Variants in SLC12A6 observed in about 807,000 individuals in gnomAD.
SLC12A6 encodes the protein K-Cl cotransporter 3.
Under a neutral mutation model 135.3 loss-of-function variants are expected in SLC12A6, and 66 were observed. The observed-to-expected ratio is 0.49, with a 90% CI of 0.40 to 0.60. The LOEUF is 0.60. Among genes scored for constraint, SLC12A6 ranks in the 20% least tolerant of loss-of-function variants. SLC12A6 has a pLI of 0.00. For missense variants in SLC12A6, 1,058 were observed against 1,452.3 expected, an observed-to-expected ratio of 0.73 and a Z score of 4.41; for synonymous variants, 513 against 508.8, an observed-to-expected ratio of 1.01 and a Z score of -0.11.
chr15:34,246,511 T>C (rs926066868), intron 13 of SLC12A6, among the ~76,000 whole-genome samples: 3 of 152,214 alleles, frequency 2.0e-5, no homozygotes, highest in Admixed American at 1.3e-4. Flanking sequence ...GAATAAAAAT[T>C]TGTAGTGATT....
At chr15:34,300,766 G>A (rs1016382507) in intron 2 of SLC12A6, among the ~76,000 whole-genome samples, 4 of 146,370 alleles carry the variant, frequency 2.7e-5, no homozygotes, top group African/African-American at 1.0e-4. Flanking sequence ...ACTGCACTCT[G>A]GCCTGGGAGA....
chr15:34,270,487 C>G (rs1436932611), intron 3 of SLC12A6, among the ~76,000 whole-genome samples: 1 of 151,978 alleles, frequency 6.6e-6, no homozygotes, highest in African/African-American at 2.4e-5. Flanking sequence ...GAAGAAATAC[C>G]CAAGACTGGG....
At chr15:34,256,702 G>C (rs1018300603) in intron 6 of SLC12A6, among the ~76,000 whole-genome samples, 4 of 152,212 alleles carry the variant, frequency 2.6e-5, no homozygotes, top group Admixed American at 2.6e-4. Flanking sequence ...GAGCACACAG[G>C]AACCGCATTT....
At chr15:34,265,011 A>C (rs946807497) in intron 3 of SLC12A6, among the ~76,000 whole-genome samples, 3 of 152,142 alleles carry the variant, frequency 2.0e-5, no homozygotes, top group African/African-American at 7.2e-5. Flanking sequence ...CCTGGCTAAC[A>C]CGGTGAAACC....
chr15:34,262,872 T>C (rs1274834312), intron 3 of SLC12A6, among the ~76,000 whole-genome samples: 1 of 152,162 alleles, frequency 6.6e-6, no homozygotes, highest in African/African-American at 2.4e-5. Flanking sequence ...GGATCTGCAT[T>C]GGAGCGCAAG....
At chr15:34,246,886 T>C (rs1892028760) in intron 13 of SLC12A6, among the ~76,000 whole-genome samples, 1 of 152,180 alleles carries the variant, frequency 6.6e-6, no homozygotes, top group Admixed American at 6.5e-5. Context: ...CCTGGGCTCG[T>C]GTGATCTTCC....
At chr15:34,269,709 T>C (rs1348550616) in intron 3 of SLC12A6, among the ~76,000 whole-genome samples, 1 of 152,132 alleles carries the variant, frequency 6.6e-6, no homozygotes, top group Non-Finnish European at 1.5e-5. Flanking sequence ...TGTGATGCTG[T>C]TTAACATGCT....
intron 15 of SLC12A6, 31 bp downstream of exon 15, chr15:34,245,254 A>G: frequency 8.8e-7 from 1 of 1,134,002 alleles, no homozygotes; most frequent in Non-Finnish European, 1.3e-6. Context: ...CATTTAAGCA[A>G]GAATAACTGA....
chr15:34,270,672 G>A (rs1893852495), intron 3 of SLC12A6, among the ~76,000 whole-genome samples: 1 of 151,894 alleles, frequency 6.6e-6, no homozygotes, highest in African/African-American at 2.4e-5. Context: ...GTGTGATGGT[G>A]GGTCCCTGTA....
At position 34,245,795 on chromosome 15, in the gene SLC12A6, A is replaced by C. The variant is rs373670366; in HGVS notation, c.1722T>G (p.Ile574Met). 1 of 1,613,444 alleles carries C rather than the reference A, an allele frequency of 6.2e-7. No homozygotes were observed. The highest frequency in any genetic ancestry group is 8.5e-7 in the Non-Finnish European group (1 of 1,179,458). Residue 574 changes from isoleucine to methionine, a missense_variant, in exon 14 of 26, where the codon ATT becomes ATG. Around this residue, in one of 6 missense-constraint regions of SLC12A6, gnomAD observed 170 missense variants for 297.6 expected, o/e 0.57. Transcript: ENST00000354181. Reference protein sequence around the residue: ...LSWPSPWVIVIGSFFSTCGAG... With the variant: ...LSWPSPWVIVMGSFFSTCGAG... ...CCCCACATGTTGAAAAGAAGGAGCC[A>C]ATAACAATCACCCATGGGGATGGCC... is the stretch of plus-strand genomic sequence containing the variant.
intron 2 of SLC12A6, among the ~76,000 whole-genome samples, chr15:34,290,950 G>A (rs1376843078): frequency 6.6e-6 from 1 of 152,176 alleles, no homozygotes; most frequent in Non-Finnish European, 1.5e-5. Flanking sequence ...GCCAGTCTGT[G>A]TCTTTTAATT....
At chr15:34,237,987 T>A (rs1891388850) in intron 21 of SLC12A6, among the ~76,000 whole-genome samples, 1 of 152,244 alleles carries the variant, frequency 6.6e-6, no homozygotes, top group African/African-American at 2.4e-5. Flanking sequence ...ACTTGTTGTT[T>A]TCCCCTAGGG....
chr15:34,318,253 T>C (rs551724950), intron 2 of SLC12A6, among the ~76,000 whole-genome samples: 1 of 152,340 alleles, frequency 6.6e-6, no homozygotes, highest in South Asian at 2.1e-4. Flanking sequence ...AAAAAGTGAA[T>C]TCTAAATTCC....
chr15:34,321,691 T>C (rs1889102594), intron 2 of SLC12A6, among the ~76,000 whole-genome samples: 1 of 152,208 alleles, frequency 6.6e-6, no homozygotes, highest in African/African-American at 2.4e-5. Context: ...TTATTCATAA[T>C]ATCCAAAAAC....
intron 9 of SLC12A6, among the ~76,000 whole-genome samples, chr15:34,253,071 C>A (rs967438080): frequency 2.6e-5 from 4 of 152,160 alleles, no homozygotes; most frequent in African/African-American, 9.7e-5. Flanking sequence ...TTACTTTTTT[C>A]TTTAACCCAG....
chr15:34,261,062 T>C, intron 3 of SLC12A6, 42 bp from the exon 4 acceptor site: 1 of 1,013,014 alleles, frequency 9.9e-7, no homozygotes, highest in South Asian at 1.3e-5. Context: ...CTCACTGGTT[T>C]CTGACGAAGA....
Position 34,233,760 on chromosome 15 carries a change from A to C in SLC12A6, c.*121T>G. The C allele has an allele frequency of 2.8e-6, 2 of 718,490 alleles. No individual in the cohort carries two copies. Among genetic ancestry groups the C allele is most frequent in the Non-Finnish European group, 5.2e-6 (2 of 385,210 alleles). The allele number at this position is 718,490 out of a possible 1,614,324, so 44.5% of individuals were successfully genotyped here. A position where few individuals can be genotyped will look rare whatever the true frequency, so the allele number is the denominator to read the frequency against. On this transcript the variant is annotated 3_prime_UTR_variant, in exon 26 of 26. Coordinates refer to ENST00000354181, the MANE Select transcript of SLC12A6 (RefSeq NM_001365088.1). ...TTGAGGCTCAGCTCATCAAGAGTTCAGTATGATGTGTACAGAACACAGGCT... is the reference window on the plus strand; with the variant it reads ...TTGAGGCTCAGCTCATCAAGAGTTCCGTATGATGTGTACAGAACACAGGCT...
intron 3 of SLC12A6, among the ~76,000 whole-genome samples, chr15:34,267,974 C>CT (rs1487719821): frequency 6.6e-6 from 1 of 151,946 alleles, no homozygotes; most frequent in Non-Finnish European, 1.5e-5. Flanking sequence ...TTTAAACAGT[C>CT]TTTTATTCCT....
Position 34,336,514 on chromosome 15 carries a change from C to G in SLC12A6, c.167G>C (p.Arg56Pro). The change falls in exon 2 of 26, where the codon CGG (arginine) becomes CCG (proline). Residue 56 changes from arginine (R) to proline (P), a missense_variant. Physicochemically the swap from Arg to Pro is moderately radical, Grantham distance 103 (BLOSUM62 -2). Around this residue, in one of 6 missense-constraint regions of SLC12A6, gnomAD observed 176 missense variants for 168.9 expected, o/e 1.04. Transcript: ENST00000354181. ...AGACATCTCACTCATAGGCTCACTC[C>G]GGCTTGTTTCAGGCACGCTTTCCCG... Reference protein sequence around the residue: ...SSRESVPETSRSEPMSEMSGA... With the variant: ...SSRESVPETSPSEPMSEMSGA... 5.0e-6 allele frequency: 8 copies of G among 1,613,912 alleles called. No homozygotes were observed. The highest frequency in any genetic ancestry group is 1.7e-5 in the Admixed American group (1 of 59,996).
Sources: gnomAD v4.1 joint callset for allele counts (sites outside exome capture counted in the v4.1 genomes callset) on GRCh38, gnomAD v4.1.1 for gene constraint, gnomAD v4.1.1 regional missense constraint, MANE v1.5 for transcripts, NCBI Gene and HGNC (gene_info 2026-07-23, HGNC 2026-07-21) for gene names.